SNX30: variants seen among roughly 807,000 people sequenced by gnomAD.
SNX30 encodes the protein sorting nexin family member 30.
In SNX30, 24 loss-of-function variants were observed where a neutral mutation model predicts 46.4. The observed-to-expected ratio is 0.52, with a 90% confidence interval of 0.37 to 0.73. The LOEUF (loss-of-function observed/expected upper bound fraction) is 0.73, where lower values mean the gene tolerates loss of function less well. SNX30 is among the 30% of genes least tolerant of loss of function. SNX30 has a pLI of 0.00. For synonymous variants in SNX30, 189 were observed against 211.5 expected, an observed-to-expected ratio of 0.89 and a Z score of 0.92; for missense variants, 533 against 555.7, an observed-to-expected ratio of 0.96 and a Z score of 0.41.
At chr9:112,772,288 G>A (rs898237905) in intron 1 of SNX30, among the ~76,000 whole-genome samples, 4 of 152,174 alleles carry the variant, frequency 2.6e-5, no homozygotes, top group African/African-American at 7.2e-5. Context: ...GGCTCTGTTG[G>A]GGATTAGACT....
At chr9:112,817,669 C>A in intron 2 of SNX30, 36 bp from the exon 3 acceptor site, 1 of 1,240,134 alleles carries the variant, frequency 8.1e-7, no homozygotes. Flanking sequence ...TATGCTATTC[C>A]CTTATGCTTA....
intron 1 of SNX30, among the ~76,000 whole-genome samples, chr9:112,751,523 G>C (rs182069982): frequency 4.3e-4 from 65 of 152,360 alleles, no homozygotes; most frequent in Non-Finnish European, 7.5e-4. Context: ...TGCATAACTT[G>C]TAGCTCCTCC....
At chr9:112,785,454 G>C (rs1407542117) in intron 1 of SNX30, among the ~76,000 whole-genome samples, 2 of 150,992 alleles carry the variant, frequency 1.3e-5, no homozygotes, top group Admixed American at 6.6e-5. Flanking sequence ...CACAATCTCG[G>C]CTCACTGCAA....
chr9:112,869,028 G>T lies in SNX30; in HGVS notation c.*185G>T. On this transcript the variant is annotated 3_prime_UTR_variant, in exon 9 of 9. Coordinates refer to ENST00000374232, the MANE Select transcript of SNX30 (RefSeq NM_001012994.2). ...TTTCAATTAGTATTTATTCCATGGT[G>T]GAGTCTGTGAGGCTAGAATATCTCT... The T allele has an allele frequency of 1.6e-6, 1 of 617,878 alleles. No individual in the cohort carries two copies. The highest frequency in any genetic ancestry group is 2.9e-6 in the Non-Finnish European group (1 of 346,012). 38.3% of individuals were successfully genotyped at this position (617,878 alleles called of 1,614,324 possible). A position where few individuals can be genotyped will look rare whatever the true frequency, so the allele number is the denominator to read the frequency against.
chr9:112,848,495 C>T (rs1000360448), intron 6 of SNX30, among the ~76,000 whole-genome samples: 2 of 152,222 alleles, frequency 1.3e-5, no homozygotes, highest in Non-Finnish European at 2.9e-5. Context: ...GCAGCAGGAA[C>T]AGCCTGAATG....
chr9:112,838,787 T>C (rs1840809299), intron 6 of SNX30, 90 bp downstream of exon 6: 1 of 1,291,128 alleles, frequency 7.7e-7, no homozygotes, highest in Admixed American at 1.9e-5. Flanking sequence ...TTGCATGTGA[T>C]ATAAGTTTCC....
At chr9:112,832,455 AGAGAGTGTGTGTGTGTGT>A (rs1250289595) in intron 4 of SNX30, among the ~76,000 whole-genome samples, 1 of 122,044 alleles carries the variant, frequency 8.2e-6, no homozygotes. Flanking sequence ...AGAGAGAGAG[AGAGAGTGTGTGTGTGTGT>A]GTGTGTGTGT....
chr9:112,822,011 T>C (rs1840506599), intron 3 of SNX30, among the ~76,000 whole-genome samples: 1 of 152,050 alleles, frequency 6.6e-6, no homozygotes, highest in South Asian at 2.1e-4. Context: ...ACTCTTGGGC[T>C]CAAGTGATCT....
chr9:112,883,636 G>A (rs1380830446), downstream of SNX30, among the ~76,000 whole-genome samples: 1 of 151,148 alleles, frequency 6.6e-6, no homozygotes, highest in Admixed American at 6.6e-5. Flanking sequence ...GTGGACTGGA[G>A]AAGACAGGGA....
chr9:112,870,803 C>A lies in SNX30; in HGVS notation c.*1960C>A, dbSNP rs1053935336. 3.3e-5 allele frequency: 5 copies of A among 152,248 alleles called. No homozygotes were observed. The highest frequency in any genetic ancestry group is 2.6e-4 in the Admixed American group (4 of 15,292). 9.4% of individuals were successfully genotyped at this position (152,248 alleles called of 1,614,324 possible). On this transcript the variant is annotated 3_prime_UTR_variant, in exon 9 of 9. Coordinates refer to ENST00000374232, the MANE Select transcript of SNX30 (RefSeq NM_001012994.2). ...TATTTGGCAGAAGGCACCAGACCAG[C>A]CCAGCAGCAAATGCTCATCTTTGGG...
chr9:112,811,543 A>G (rs888296209), intron 2 of SNX30, among the ~76,000 whole-genome samples: 2 of 152,078 alleles, frequency 1.3e-5, no homozygotes, highest in Non-Finnish European at 2.9e-5. Flanking sequence ...GTCTTCTAAA[A>G]TGTTGAACTT....
At position 112,767,932 on chromosome 9, in the gene SNX30, C is replaced by T. The variant is rs145076276; in HGVS notation, c.156+16775C>T. Among the ~76,000 whole-genome samples the T allele has an allele frequency of 1.0e-3, 153 of 152,216 alleles. 3 individuals are homozygous for T. The East Asian group carries it at 0.024, about 24-fold the overall frequency. ...GTTCTTTAATGTTGCTCTTCATTTC[C>T]GTTGTTGATATCCTAATTGGATGTA... On this transcript the variant is annotated intron_variant, in intron 1 of 8. Coordinates refer to ENST00000374232, the MANE Select transcript of SNX30 (RefSeq NM_001012994.2).
intron 2 of SNX30, among the ~76,000 whole-genome samples, chr9:112,805,594 G>A (rs1005821099): frequency 6.6e-6 from 1 of 152,138 alleles, no homozygotes; most frequent in Non-Finnish European, 1.5e-5. Context: ...TCAGCCTCCT[G>A]AGTAGCTGAG....
chr9:112,769,082 A>T (rs1167198409), intron 1 of SNX30, among the ~76,000 whole-genome samples: 1 of 152,198 alleles, frequency 6.6e-6, no homozygotes, highest in East Asian at 1.9e-4. Flanking sequence ...GTGTAGTTTC[A>T]TATATGGCTA....
At position 112,870,204 on chromosome 9, in the gene SNX30, A is replaced by G. The variant is rs1373551963; in HGVS notation, c.*1361A>G. On this transcript the variant is annotated 3_prime_UTR_variant, in exon 9 of 9. Coordinates refer to ENST00000374232, the MANE Select transcript of SNX30 (RefSeq NM_001012994.2). ...TTCTGCTGAAATGAAGCTACATGTC[A>G]TGTTTGTGTTCTTTCATCTGTGGCT... is the stretch of plus-strand genomic sequence containing the variant. The G allele has an allele frequency of 1.3e-5, 2 of 151,874 alleles. No homozygotes were observed. The highest frequency in any genetic ancestry group is 4.8e-5 in the African/African-American group (2 of 41,306). The allele number at this position is 151,874 out of a possible 1,614,324, so 9.4% of individuals were successfully genotyped here.
chr9:112,792,260 A>G (rs754435958), intron 1 of SNX30, among the ~76,000 whole-genome samples: 4 of 152,116 alleles, frequency 2.6e-5, no homozygotes, highest in Admixed American at 6.5e-5. Context: ...TTTTCTCTCT[A>G]TTTAATTTCA....
At chr9:112,819,945 A>G (rs190014357) in intron 3 of SNX30, among the ~76,000 whole-genome samples, 33 of 152,248 alleles carry the variant, frequency 2.2e-4, no homozygotes. Context: ...GCCTTTTTGT[A>G]CTGTACTCTT....
At chr9:112,771,470 G>A (rs1839648179) in intron 1 of SNX30, among the ~76,000 whole-genome samples, 1 of 152,200 alleles carries the variant, frequency 6.6e-6, no homozygotes, top group Non-Finnish European at 1.5e-5. Context: ...TATAAATCGT[G>A]TATAGTCTGT....
chr9:112,856,902 C>A (rs1841139890), intron 7 of SNX30: 1 of 152,430 alleles, frequency 6.6e-6, no homozygotes, highest in Non-Finnish European at 1.5e-5. Context: ...ACCGCAGCCA[C>A]CCTCTGCCAG....
Sources: allele counts gnomAD v4.1 joint callset (sites outside exome capture counted in the v4.1 genomes callset), GRCh38; gene constraint gnomAD v4.1.1; transcripts MANE v1.5; gene names NCBI Gene and HGNC (gene_info 2026-07-23, HGNC 2026-07-21).